NMT2: variants seen among roughly 807,000 people sequenced by gnomAD.
The protein encoded by NMT2 is glycylpeptide N-tetradecanoyltransferase 2.
Under a neutral mutation model 65.4 loss-of-function variants are expected in NMT2, and 35 were observed. The ratio of observed to expected loss-of-function variants is 0.54; its 90% CI spans 0.41 to 0.71. The LOEUF (loss-of-function observed/expected upper bound fraction) is 0.71, where lower values mean the gene tolerates loss of function less well. Ranked by LOEUF, NMT2 falls within the 30% of genes least tolerant of loss-of-function variation. The pLI is 0.00. For synonymous variants in NMT2, 226 were observed against 231.8 expected, an observed-to-expected ratio of 0.98 and a Z score of 0.23; for missense variants, 489 against 611.3, an observed-to-expected ratio of 0.80 and a Z score of 2.11.
chr10:15,127,372 C>T (rs1235680804), intron 8 of NMT2, among the ~76,000 whole-genome samples: 1 of 150,402 alleles, frequency 6.6e-6, no homozygotes, highest in Non-Finnish European at 1.5e-5. Context: ...ATGGTGAAAC[C>T]CCGTCTCTAC....
At chr10:15,124,045 A>T (rs975451934) in intron 8 of NMT2, among the ~76,000 whole-genome samples, 16 of 152,180 alleles carry the variant, frequency 1.1e-4, no homozygotes, top group African/African-American at 3.9e-4. Context: ...ATGCCACTAA[A>T]TATAGAACAC....
chr10:15,136,821 C>A (rs1433774815), intron 2 of NMT2, among the ~76,000 whole-genome samples: 1 of 139,138 alleles, frequency 7.2e-6, no homozygotes, highest in Admixed American at 6.9e-5. Flanking sequence ...TGGAGATTCC[C>A]CAGTTCTTTT....
chr10:15,120,018 C>T (rs544589855), intron 8 of NMT2, among the ~76,000 whole-genome samples: 2 of 152,124 alleles, frequency 1.3e-5, no homozygotes, highest in East Asian at 3.9e-4. Context: ...GAAAAATATT[C>T]GGGGAAAAAA....
At chr10:15,143,051 A>G (rs1015459365) in intron 1 of NMT2, among the ~76,000 whole-genome samples, 2 of 152,174 alleles carry the variant, frequency 1.3e-5, no homozygotes, top group African/African-American at 2.4e-5. Context: ...AAGGTCTCCA[A>G]TGCCTCACAC....
At chr10:15,162,019 G>C (rs1393779803) in intron 1 of NMT2, among the ~76,000 whole-genome samples, 3 of 152,156 alleles carry the variant, frequency 2.0e-5, no homozygotes, top group Non-Finnish European at 4.4e-5. Context: ...TTGGGAGACG[G>C]AGGTGGGTGA....
intron 1 of NMT2, among the ~76,000 whole-genome samples, chr10:15,166,384 AT>A (rs1365052873): frequency 2.0e-5 from 3 of 152,256 alleles, no homozygotes; most frequent in Non-Finnish European, 4.4e-5. Flanking sequence ...ACTGATGGGA[AT>A]GAAGAGGCCG....
intron 1 of NMT2, among the ~76,000 whole-genome samples, chr10:15,163,991 A>G (rs934783358): frequency 6.6e-6 from 1 of 152,076 alleles, no homozygotes; most frequent in Non-Finnish European, 1.5e-5. Flanking sequence ...CATCCTGGCT[A>G]ACATGGTGAA....
chr10:15,123,930 G>A (rs578145172), intron 8 of NMT2, among the ~76,000 whole-genome samples: 4 of 152,254 alleles, frequency 2.6e-5, no homozygotes, highest in South Asian at 4.1e-4. Context: ...GGTACAAACC[G>A]TTTGAGAGCC....
intron 7 of NMT2, among the ~76,000 whole-genome samples, chr10:15,128,804 A>G (rs1846181684): frequency 6.6e-6 from 1 of 152,196 alleles, no homozygotes; most frequent in South Asian, 2.1e-4. Context: ...CAGGAGTTCA[A>G]GACCAGCCTG....
intron 1 of NMT2, among the ~76,000 whole-genome samples, chr10:15,141,863 A>G (rs1022544826): frequency 6.6e-6 from 1 of 152,228 alleles, no homozygotes; most frequent in African/African-American, 2.4e-5. Flanking sequence ...CTACTCTCCT[A>G]ATCTACGTTT....
chr10:15,154,959 A>T (rs754184114), intron 1 of NMT2: 9 of 1,117,846 alleles, frequency 8.1e-6, no homozygotes, highest in Non-Finnish European at 1.2e-5. Context: ...GCAGATGAAA[A>T]TCTGGGAATC....
intron 1 of NMT2, among the ~76,000 whole-genome samples, chr10:15,144,304 G>A (rs970988024): frequency 6.6e-6 from 1 of 152,142 alleles, no homozygotes; most frequent in Admixed American, 6.5e-5. Context: ...ACAATGATGA[G>A]AGGCAGAGCT....
At chr10:15,142,826 A>T (rs1404899081) in intron 1 of NMT2, among the ~76,000 whole-genome samples, 1 of 152,200 alleles carries the variant, frequency 6.6e-6, no homozygotes, top group Non-Finnish European at 1.5e-5. Context: ...TTAAACAAAC[A>T]TATCACAGCC....
At chr10:15,130,449 G>A in intron 6 of NMT2, 137 bp from the exon 7 acceptor site, 3 of 676,994 alleles carry the variant, frequency 4.4e-6, no homozygotes, top group Admixed American at 6.9e-5. Context: ...GCTGTCGCCT[G>A]TAATCTCAGC....
chr10:15,109,845 A>C lies in NMT2; in HGVS notation c.1339-6T>G, dbSNP rs1845447454. The C allele has an allele frequency of 6.3e-7, 1 of 1,594,034 alleles. No individual in the cohort carries two copies. The highest frequency in any genetic ancestry group is 2.2e-5 in the East Asian group (1 of 44,624). ...TTGAATACATCAAATCCTTTCTGCC[A>C]ATTTAAAAAAGATTTAAAATTTAAA... On this transcript the variant is annotated splice_polypyrimidine_tract_variant and splice_region_variant and intron_variant, in intron 10 of 11. Transcript: ENST00000378165.
At chr10:15,165,676 G>C (rs141830029) in intron 1 of NMT2, among the ~76,000 whole-genome samples, 8 of 152,092 alleles carry the variant, frequency 5.3e-5, no homozygotes, top group Admixed American at 4.6e-4. Flanking sequence ...TCAGAAGTTC[G>C]AGACCAGCCT....
At chr10:15,162,252 A>AAAAC (rs1491152855) in intron 1 of NMT2, among the ~76,000 whole-genome samples, 1 of 100,664 alleles carries the variant, frequency 9.9e-6, no homozygotes, top group African/African-American at 3.9e-5. Flanking sequence ...ACCTTGTCTC[A>AAAAC]AAAAAAAAAA....
intron 7 of NMT2, 73 bp from the exon 8 acceptor site, chr10:15,128,531 G>C: frequency 6.4e-6 from 6 of 936,356 alleles, no homozygotes; most frequent in Non-Finnish European, 1.0e-5. Context: ...GTCTCAGCTT[G>C]GCTGTTACAT....
intron 8 of NMT2, among the ~76,000 whole-genome samples, chr10:15,127,987 GGTCTCTCCTCT>G (rs1846155250): frequency 1.3e-5 from 2 of 152,054 alleles, no homozygotes; most frequent in Admixed American, 1.3e-4. Context: ...CCACTCGCTG[GGTCTCTCCTCT>G]ACACTTGATT....
Sources: allele counts gnomAD v4.1 joint callset (sites outside exome capture counted in the v4.1 genomes callset), GRCh38; gene constraint gnomAD v4.1.1; transcripts MANE v1.5; gene names NCBI Gene and HGNC (gene_info 2026-07-23, HGNC 2026-07-21).